Variants in ZNF83 observed in about 807,000 individuals in gnomAD.
ZNF83 encodes the protein zinc finger protein 83.
For synonymous variants in ZNF83, 209 were observed against 213.0 expected, an observed-to-expected ratio of 0.98 and a Z score of 0.17; for missense variants, 552 against 629.9, an observed-to-expected ratio of 0.88 and a Z score of 1.32.
chr19:52,683,237 T>C, intron 1 of ZNF83, among the ~76,000 whole-genome samples: 1 of 19,464 alleles, frequency 5.1e-5, no homozygotes, highest in Non-Finnish European at 1.3e-4. Flanking sequence ...TCTGTGTGTG[T>C]GTGTGTGTGT....
chr19:52,626,525 C>T (rs887953525), intron 2 of ZNF83, among the ~76,000 whole-genome samples: 1 of 152,140 alleles, frequency 6.6e-6, no homozygotes, highest in Non-Finnish European at 1.5e-5. Context: ...GTCTTGGCTA[C>T]TCCCTATTCT....
intron 1 of ZNF83, among the ~76,000 whole-genome samples, chr19:52,671,348 T>A (rs1412239626): frequency 6.6e-6 from 1 of 152,202 alleles, no homozygotes; most frequent in African/African-American, 2.4e-5. Context: ...CAACATAATA[T>A]GCTAACATCA....
chr19:52,678,712 GC>G (rs1379731695), intron 1 of ZNF83, among the ~76,000 whole-genome samples: 6 of 152,164 alleles, frequency 3.9e-5, no homozygotes, highest in African/African-American at 1.2e-4. Flanking sequence ...CATGGCTCAT[GC>G]CTGTAATCCC....
At chr19:52,617,894 T>A (rs1476508279) in intron 2 of ZNF83, 1 of 152,436 alleles carries the variant, frequency 6.6e-6, no homozygotes, top group African/African-American at 2.4e-5. Context: ...CCCAGCCCTA[T>A]GTTTCTGTAG....
chr19:52,616,448 A>G (rs1334938036), intron 2 of ZNF83, among the ~76,000 whole-genome samples: 2 of 152,240 alleles, frequency 1.3e-5, no homozygotes, highest in Non-Finnish European at 2.9e-5. Context: ...AGCAATATTT[A>G]CAATAGCAAA....
At chr19:52,614,579 TGAG>T in exon 3 of ZNF83, 1 of 1,564,014 alleles carries the variant, frequency 6.4e-7, no homozygotes, top group Non-Finnish European at 8.7e-7. Context: ...CTTCTACCAA[TGAG>T]ACTTTCCTTA....
chr19:52,614,444 C>A (rs776676702), exon 3 of ZNF83: 3 of 1,613,630 alleles, frequency 1.9e-6, no homozygotes, highest in South Asian at 1.1e-5. Flanking sequence ...TCCATGTGAT[C>A]ATATTTATAT....
rs367618930 is a variant in ZNF83 at position 52,614,273 on chromosome 19, G to A, written c.292C>T (p.Arg98Cys). ...AAGCCTTGATGAAAGGCCTTGCCACGCTCACTACATTTGTAGTGTTCTGTC... is the reference window on the plus strand; with the variant it reads ...AAGCCTTGATGAAAGGCCTTGCCACACTCACTACATTTGTAGTGTTCTGTC... Residue 98 changes from arginine (R) to cysteine (C), a missense_variant, in exon 3 of 3, where the codon CGT becomes TGT. Coordinates refer to ENST00000301096, the Ensembl canonical transcript of ZNF83. 66 of 1,614,062 alleles carry A rather than the reference G, an allele frequency of 4.1e-5. 1 individual carries two copies. Among genetic ancestry groups the A allele is most frequent in the Admixed American group, 1.2e-4 (7 of 59,996 alleles).
At chr19:52,627,182 T>A (rs1024042868) in intron 2 of ZNF83, among the ~76,000 whole-genome samples, 1 of 144,154 alleles carries the variant, frequency 6.9e-6, no homozygotes, top group African/African-American at 2.5e-5. Flanking sequence ...CCCAGGCCTA[T>A]AAAACTGCCC....
At chr19:52,613,519 T>A (rs1243654006) in exon 3 of ZNF83, 6 of 1,614,184 alleles carry the variant, frequency 3.7e-6, no homozygotes, top group Non-Finnish European at 5.1e-6. Flanking sequence ...CTTGCCACAT[T>A]CATTACATTT....
Position 52,628,536 on chromosome 19 carries a change from A to G in ZNF83, c.-234+6530T>C, listed in dbSNP as rs990880462. On this transcript the variant is annotated intron_variant, in intron 2 of 2. Coordinates refer to ENST00000301096, the Ensembl canonical transcript of ZNF83. The stretch of plus-strand genomic sequence containing the variant: ...GCGCCGGTCACGGAGTAGGGAAGGC[A>G]GCCTTCCCTTGGTGTTTAATCATTG... Among the ~76,000 whole-genome samples the G allele has an allele frequency of 4.3e-4, 65 of 152,118 alleles. 2 individuals carry two copies.
At chr19:52,632,046 A>T (rs1033397725) in intron 2 of ZNF83, among the ~76,000 whole-genome samples, 9 of 152,320 alleles carry the variant, frequency 5.9e-5, no homozygotes, top group African/African-American at 2.2e-4. Context: ...CTCTTAGTCT[A>T]GGTAGATACT....
intron 1 of ZNF83, among the ~76,000 whole-genome samples, chr19:52,688,074 CAA>C (rs138226285): frequency 0.015 from 2,253 of 152,078 alleles, 11 homozygotes; most frequent in Middle Eastern, 0.044. Context: ...ATAATTTAAT[CAA>C]GTTTTAAATT....
exon 3 of ZNF83, chr19:52,613,322 A>G (rs1568522332): frequency 6.2e-7 from 1 of 1,614,036 alleles, no homozygotes; most frequent in Non-Finnish European, 8.5e-7. Context: ...TATGCAAGGT[A>G]TGAATTTTGA....
chr19:52,683,298 A>C (rs986403350), intron 1 of ZNF83, among the ~76,000 whole-genome samples: 13 of 150,678 alleles, frequency 8.6e-5, no homozygotes, highest in African/African-American at 3.2e-4. Context: ...ACGTGTTGTG[A>C]CAGGCAAGGA....
chr19:52,678,671 T>A (rs2061858850), intron 1 of ZNF83, among the ~76,000 whole-genome samples: 1 of 151,792 alleles, frequency 6.6e-6, no homozygotes, highest in Non-Finnish European at 1.5e-5. Flanking sequence ...TCAACAAAAA[T>A]GTTTCATCAA....
At chr19:52,647,474 G>A (rs1029325927) in intron 3 of ZNF83, among the ~76,000 whole-genome samples, 1 of 151,892 alleles carries the variant, frequency 6.6e-6, no homozygotes, top group Non-Finnish European at 1.5e-5. Context: ...GAGATGGGGG[G>A]TCTCACTATG....
At chr19:52,642,488 G>T (rs139727545), upstream of ZNF83, among the ~76,000 whole-genome samples, 2 of 151,762 alleles carry the variant, frequency 1.3e-5, no homozygotes, top group Non-Finnish European at 2.9e-5. Flanking sequence ...GGCTGGTCTC[G>T]AACTCCCGAC....
exon 3 of ZNF83, chr19:52,612,406 C>G (rs941346297): frequency 1.3e-5 from 2 of 152,168 alleles, no homozygotes; most frequent in Non-Finnish European, 2.9e-5. Context: ...TTGAGTGGAT[C>G]TCTCACGACA....
Sources: gnomAD v4.1 joint callset for allele counts (sites outside exome capture counted in the v4.1 genomes callset) on GRCh38, gnomAD v4.1.1 for gene constraint, MANE v1.5 for transcripts, NCBI Gene and HGNC (gene_info 2026-07-23, HGNC 2026-07-21) for gene names.